Variants in STXBP5L observed in about 807,000 individuals in gnomAD.
STXBP5L encodes syntaxin-binding protein 5-like.
A neutral mutation model predicts 144.5 loss-of-function variants in STXBP5L; 65 were observed. The observed-to-expected ratio is 0.45, with a 90% CI of 0.37 to 0.55. The LOEUF (loss-of-function observed/expected upper bound fraction) is 0.55. Among genes scored for constraint, STXBP5L ranks in the 20% least tolerant of loss-of-function variants. The probability of loss-of-function intolerance (pLI) is 0.00; values close to 1 mark genes in which losing one functional copy is unlikely to be tolerated. For missense variants in STXBP5L, 1,298 were observed against 1,405.5 expected (o/e 0.92, Z 1.22); for synonymous variants, 505 against 469.6 (o/e 1.08, Z -0.97).
intron 3 of STXBP5L, among the ~76,000 whole-genome samples, chr3:120,971,860 G>A (rs190900051): frequency 8.0e-4 from 121 of 150,734 alleles, no homozygotes; most frequent in Middle Eastern, 3.4e-3. Context: ...ATATCCATGC[G>A]CACACATGCA....
At position 121,243,193 on chromosome 3, in the gene STXBP5L, G is replaced by A. The variant is rs191221101; in HGVS notation, c.1400+2686G>A. ...ACTAGTTTCTGTGTCATCTGATAGAGATCTGGCAAACTTTGGATTCCTGGG... is the reference window on the plus strand; with the variant it reads ...ACTAGTTTCTGTGTCATCTGATAGAAATCTGGCAAACTTTGGATTCCTGGG... On this transcript the variant is annotated intron_variant, in intron 14 of 26. Transcript: ENST00000471454. Among the ~76,000 whole-genome samples, 7 of 152,300 alleles carry A rather than the reference G, an allele frequency of 4.6e-5. No individual in the cohort carries two copies. In the East Asian group the frequency reaches 1.2e-3, roughly 25 times the overall value.
intron 3 of STXBP5L, among the ~76,000 whole-genome samples, chr3:120,997,287 A>G (rs1365087738): frequency 1.3e-5 from 2 of 152,042 alleles, no homozygotes; most frequent in South Asian, 2.1e-4. Context: ...AATGATTTAT[A>G]TTGTCTTGGG....
At chr3:121,157,887 T>C in intron 9 of STXBP5L, 2 of 377,166 alleles carry the variant, frequency 5.3e-6, no homozygotes, top group Non-Finnish European at 9.4e-6. Flanking sequence ...TAATGGATGG[T>C]TGATATATCT....
At chr3:120,973,130 C>T (rs769797654) in intron 3 of STXBP5L, among the ~76,000 whole-genome samples, 1 of 152,010 alleles carries the variant, frequency 6.6e-6, no homozygotes, top group African/African-American at 2.4e-5. Flanking sequence ...TTTGGCATAA[C>T]TTTAGTAGAA....
chr3:120,984,197 A>C (rs917952850), intron 3 of STXBP5L, among the ~76,000 whole-genome samples: 1 of 152,210 alleles, frequency 6.6e-6, no homozygotes, highest in Non-Finnish European at 1.5e-5. Flanking sequence ...CAGAAATCAC[A>C]GGTCTAGAGT....
At chr3:121,200,015 A>C (rs1234979209) in intron 9 of STXBP5L, among the ~76,000 whole-genome samples, 1 of 151,916 alleles carries the variant, frequency 6.6e-6, no homozygotes, top group East Asian at 1.9e-4. Flanking sequence ...GTTAGGGAGG[A>C]GTGCCTCTTT....
intron 5 of STXBP5L, among the ~76,000 whole-genome samples, chr3:121,060,622 G>C (rs2041221929): frequency 6.6e-6 from 1 of 152,078 alleles, no homozygotes; most frequent in Non-Finnish European, 1.5e-5. Flanking sequence ...TTGGTTGTTA[G>C]GCTATTAATT....
intron 3 of STXBP5L, among the ~76,000 whole-genome samples, chr3:120,957,715 A>T (rs1576484734): frequency 6.6e-6 from 1 of 152,322 alleles, no homozygotes; most frequent in East Asian, 1.9e-4. Context: ...ACCAACGAGA[A>T]CAAAGATACA....
intron 20 of STXBP5L, among the ~76,000 whole-genome samples, chr3:121,377,335 T>C (rs551088184): frequency 1.2e-4 from 19 of 152,262 alleles, no homozygotes; most frequent in Admixed American, 4.6e-4. Context: ...CATTGACAAA[T>C]GTGATCTAAT....
intron 3 of STXBP5L, among the ~76,000 whole-genome samples, chr3:121,019,454 GCCAA>G (rs1945386225): frequency 6.6e-6 from 1 of 152,176 alleles, no homozygotes; most frequent in Non-Finnish European, 1.5e-5. Context: ...ATGGCTGGAG[GCCAA>G]CCAACACAAA....
chr3:121,139,349 A>G (rs1388643796), intron 7 of STXBP5L, among the ~76,000 whole-genome samples: 1 of 152,110 alleles, frequency 6.6e-6, no homozygotes, highest in African/African-American at 2.4e-5. Context: ...TCTCTTATAA[A>G]CATGTACAAT....
At chr3:121,248,200 A>T (rs1317922915) in intron 14 of STXBP5L, among the ~76,000 whole-genome samples, 2 of 152,054 alleles carry the variant, frequency 1.3e-5, no homozygotes, top group Non-Finnish European at 2.9e-5. Flanking sequence ...AGTAGCTGGG[A>T]TTATAGGCAT....
intron 20 of STXBP5L, among the ~76,000 whole-genome samples, chr3:121,327,037 G>C (rs1488059249): frequency 1.3e-5 from 2 of 152,066 alleles, no homozygotes; most frequent in Non-Finnish European, 2.9e-5. Context: ...GATTTAACCT[G>C]TTCCTAAAAT....
chr3:120,990,574 T>A (rs1363078005), intron 3 of STXBP5L, among the ~76,000 whole-genome samples: 1 of 152,088 alleles, frequency 6.6e-6, no homozygotes, highest in Non-Finnish European at 1.5e-5. Flanking sequence ...AAGGCTACAG[T>A]AACCAAAACA....
chr3:120,968,832 G>A (rs1255072879), intron 3 of STXBP5L, among the ~76,000 whole-genome samples: 1 of 152,072 alleles, frequency 6.6e-6, no homozygotes, highest in Non-Finnish European at 1.5e-5. Flanking sequence ...ACTTCACTTA[G>A]AATAATGGCC....
intron 9 of STXBP5L, among the ~76,000 whole-genome samples, chr3:121,183,063 T>C (rs1412020344): frequency 6.6e-6 from 1 of 151,864 alleles, no homozygotes; most frequent in Non-Finnish European, 1.5e-5. Flanking sequence ...CAAAAATTGG[T>C]GGGGAAAAAG....
chr3:121,126,581 A>G (rs1413564858), intron 7 of STXBP5L, among the ~76,000 whole-genome samples: 1 of 152,168 alleles, frequency 6.6e-6, no homozygotes, highest in Non-Finnish European at 1.5e-5. Context: ...AAGGGAGATA[A>G]AGTAGTCATG....
chr3:121,351,841 A>G (rs1190416552), intron 20 of STXBP5L, among the ~76,000 whole-genome samples: 7 of 152,136 alleles, frequency 4.6e-5, no homozygotes, highest in African/African-American at 1.4e-4. Context: ...TCTTTAATCT[A>G]TCTTGAATGA....
At chr3:121,185,238 T>A (rs2108126564) in intron 9 of STXBP5L, among the ~76,000 whole-genome samples, 1 of 152,328 alleles carries the variant, frequency 6.6e-6, no homozygotes, top group East Asian at 1.9e-4. Flanking sequence ...TGTCTCCCAT[T>A]CTGTAGGTTG....
Sources: gnomAD v4.1 joint callset for allele counts (sites outside exome capture counted in the v4.1 genomes callset) on GRCh38, gnomAD v4.1.1 for gene constraint, MANE v1.5 for transcripts, NCBI Gene and HGNC (gene_info 2026-07-23, HGNC 2026-07-21) for gene names.